The following GALNT13 variants were observed in gnomAD, a reference collection of about 807,000 sequenced individuals.
The protein encoded by GALNT13 is UDP-GalNAc:polypeptide N-acetylgalactosaminyltransferase 13.
GALNT13 carries 28 observed loss-of-function variants against 64.2 expected under a neutral mutation model. That is an observed-to-expected ratio of 0.44 (90% CI 0.32 to 0.60). GALNT13 has a LOEUF of 0.60. Among genes scored for constraint, GALNT13 ranks in the 20% least tolerant of loss-of-function variants. The probability of loss-of-function intolerance (pLI) is 0.05; values close to 1 mark genes in which losing one functional copy is unlikely to be tolerated. For synonymous variants in GALNT13, 214 were observed against 224.6 expected, an observed-to-expected ratio of 0.95 and a Z score of 0.42; for missense variants, 577 against 669.8, an observed-to-expected ratio of 0.86 and a Z score of 1.53.
chr2:154,337,807 T>G (rs908363783), intron 9 of GALNT13, among the ~76,000 whole-genome samples: 1 of 152,002 alleles, frequency 6.6e-6, no homozygotes, highest in African/African-American at 2.4e-5. Flanking sequence ...CAGGTGGTCT[T>G]TATGTCTGAA....
At chr2:153,719,442 A>T in the GALNT13 span, among the ~76,000 whole-genome samples, 1 of 152,142 alleles carries the variant, frequency 6.6e-6, no homozygotes, top group East Asian at 1.9e-4. Flanking sequence ...GAGAAAAGCT[A>T]ATATGGGGGG....
At chr2:154,324,709 G>A (rs1694791931) in intron 9 of GALNT13, among the ~76,000 whole-genome samples, 1 of 152,090 alleles carries the variant, frequency 6.6e-6, no homozygotes, top group Admixed American at 6.6e-5. Flanking sequence ...AATCAGAAAA[G>A]TGGAAATAGA....
chr2:154,145,092 C>CTA (rs1380676288), intron 4 of GALNT13, among the ~76,000 whole-genome samples: 9,336 of 126,184 alleles, frequency 0.074, 459 homozygotes, highest in Non-Finnish European at 0.12. Flanking sequence ...ATCTATCTAT[C>CTA]TATCTATCTA....
At chr2:154,136,166 T>C (rs1025392800) in intron 3 of GALNT13, among the ~76,000 whole-genome samples, 9 of 152,126 alleles carry the variant, frequency 5.9e-5, no homozygotes, top group Admixed American at 1.3e-4. Context: ...ACAATGCCAA[T>C]GAAAAGAAAG....
chr2:153,614,210 TTAA>T, the GALNT13 span, among the ~76,000 whole-genome samples: 5 of 151,934 alleles, frequency 3.3e-5, no homozygotes, highest in African/African-American at 9.6e-5. Flanking sequence ...AATAATAACA[TTAA>T]TAATAATAAT....
At chr2:154,131,940 G>A (rs1042201028) in intron 3 of GALNT13, among the ~76,000 whole-genome samples, 1 of 152,300 alleles carries the variant, frequency 6.6e-6, no homozygotes, top group African/African-American at 2.4e-5. Context: ...GAAGAGCTTG[G>A]AGTACCATGT....
At chr2:153,176,827 A>G in the GALNT13 span, among the ~76,000 whole-genome samples, 1 of 151,762 alleles carries the variant, frequency 6.6e-6, no homozygotes, top group Non-Finnish European at 1.5e-5. Context: ...AATGAGGCTG[A>G]ATTTTCAACA....
At chr2:154,445,015 T>C (rs1254392615) in intron 12 of GALNT13, among the ~76,000 whole-genome samples, 3 of 152,062 alleles carry the variant, frequency 2.0e-5, no homozygotes, top group African/African-American at 7.2e-5. Flanking sequence ...TTAATAATTG[T>C]TATCTTTTCA....
intron 9 of GALNT13, among the ~76,000 whole-genome samples, chr2:154,318,598 G>A (rs570079439): frequency 1.5e-4 from 23 of 152,026 alleles, no homozygotes; most frequent in Non-Finnish European, 2.8e-4. Flanking sequence ...GGTGGCATAC[G>A]CCTGTAATCC....
chr2:153,423,470 C>G, the GALNT13 span: 6 of 151,872 alleles, frequency 4.0e-5, no homozygotes, highest in Admixed American at 3.9e-4. Context: ...ATGCCTTCTT[C>G]TATTCATCAT....
chr2:154,109,950 T>A (rs1033304988), intron 3 of GALNT13, among the ~76,000 whole-genome samples: 2 of 152,084 alleles, frequency 1.3e-5, no homozygotes, highest in East Asian at 1.9e-4. Flanking sequence ...TGTTTTGTCC[T>A]TGTTCTGGCT....
At chr2:153,981,868 G>T (rs979963315) in intron 3 of GALNT13, among the ~76,000 whole-genome samples, 16 of 151,928 alleles carry the variant, frequency 1.1e-4, no homozygotes, top group African/African-American at 3.4e-4. Flanking sequence ...AGCCTGATAT[G>T]TATATTTTTC....
At chr2:153,449,152 A>G in the GALNT13 span, among the ~76,000 whole-genome samples, 1 of 152,184 alleles carries the variant, frequency 6.6e-6, no homozygotes, top group Non-Finnish European at 1.5e-5. Flanking sequence ...GCCCTCACCA[A>G]AAACTGAATT....
chr2:153,526,288 A>G, the GALNT13 span, among the ~76,000 whole-genome samples: 1 of 152,254 alleles, frequency 6.6e-6, no homozygotes, highest in African/African-American at 2.4e-5. Flanking sequence ...ACCCAGCACA[A>G]TCCTAGTGGT....
At chr2:154,297,355 C>T (rs150684724) in intron 8 of GALNT13, among the ~76,000 whole-genome samples, 4 of 152,188 alleles carry the variant, frequency 2.6e-5, no homozygotes, top group East Asian at 1.9e-4. Context: ...AGGGCTCCCA[C>T]AAAATTCATG....
the GALNT13 span, among the ~76,000 whole-genome samples, chr2:153,814,641 C>T: frequency 2.0e-5 from 3 of 152,150 alleles, no homozygotes; most frequent in Non-Finnish European, 4.4e-5. Flanking sequence ...CCTTTGGAAA[C>T]ACCCTACCAC....
chr2:153,498,294 C>T, the GALNT13 span, among the ~76,000 whole-genome samples: 17 of 152,222 alleles, frequency 1.1e-4, no homozygotes, highest in Non-Finnish European at 2.2e-4. Context: ...ACTTCGCCAG[C>T]TGGAAACCTC....
the GALNT13 span, among the ~76,000 whole-genome samples, chr2:153,262,521 G>A: frequency 2.8e-4 from 42 of 152,210 alleles, no homozygotes; most frequent in South Asian, 1.9e-3. Context: ...GCCAGTATCC[G>A]TGATTAACAT....
chr2:153,304,104 G>A, the GALNT13 span, among the ~76,000 whole-genome samples: 1 of 151,326 alleles, frequency 6.6e-6, no homozygotes, highest in Non-Finnish European at 1.5e-5. Flanking sequence ...AGGTAGACTG[G>A]ACCATTACTC....
Sources: gnomAD v4.1 joint callset for allele counts (sites outside exome capture counted in the v4.1 genomes callset) on GRCh38, gnomAD v4.1.1 for gene constraint, MANE v1.5 for transcripts, NCBI Gene and HGNC (gene_info 2026-07-23, HGNC 2026-07-21) for gene names.